WAC: variants seen among roughly 807,000 people sequenced by gnomAD.
WAC encodes WW domain containing adaptor with coiled-coil, also known as WW domain-containing adapter protein with coiled-coil.
In WAC, 11 loss-of-function variants were observed where a neutral mutation model predicts 79.6. The observed-to-expected ratio is 0.14, with a 90% confidence interval of 0.09 to 0.23. The LOEUF (loss-of-function observed/expected upper bound fraction) is 0.23. WAC is among the 10% of genes least tolerant of loss of function. The pLI is 1.00. For missense variants in WAC, 728 were observed against 773.5 expected (o/e 0.94, Z 0.70); for synonymous variants, 304 against 276.9 (o/e 1.10, Z -0.97).
chr10:28,618,425 T>TTTCA (rs1841566928), intron 13 of WAC, among the ~76,000 whole-genome samples: 1 of 152,228 alleles, frequency 6.6e-6, no homozygotes, highest in African/African-American at 2.4e-5. Context: ...ATGGAGTTTA[T>TTTCA]AGTACAACTT....
Position 28,610,978 on chromosome 10 carries a change from T to C in WAC, c.1288+157T>C, listed in dbSNP as rs1001154048. ...TTGTTTTTTTTGTAACACTGGCATA[T>C]ACAGTAGTATTTTTATTTCCTTTCT... On this transcript the variant is annotated intron_variant, in intron 9 of 13. Coordinates refer to ENST00000354911, the MANE Select transcript of WAC (RefSeq NM_016628.5). The C allele has an allele frequency of 9.2e-6, 7 of 757,162 alleles. No individual in the cohort carries two copies. In the African/African-American group the frequency reaches 1.1e-4, roughly 12 times the overall value. The allele number at this position is 757,162 out of a possible 1,614,324, so 46.9% of individuals were successfully genotyped here. A position where few individuals can be genotyped will look rare whatever the true frequency, so the allele number is the denominator to read the frequency against.
chr10:28,545,815 G>A (rs963456125), intron 3 of WAC, among the ~76,000 whole-genome samples: 2 of 152,176 alleles, frequency 1.3e-5, no homozygotes, highest in African/African-American at 4.8e-5. Context: ...AGATACATTG[G>A]GTAGTATCTG....
intron 7 of WAC, among the ~76,000 whole-genome samples, chr10:28,602,450 C>T (rs1208608661): frequency 6.6e-6 from 1 of 152,142 alleles, no homozygotes; most frequent in Non-Finnish European, 1.5e-5. Context: ...TTTCCTACTA[C>T]ACTTACATAC....
intron 7 of WAC, 54 bp downstream of exon 7, chr10:28,596,095 C>T (rs1411007966): frequency 3.9e-6 from 6 of 1,519,588 alleles, no homozygotes; most frequent in East Asian, 2.3e-5. Context: ...TAAGTTTCTT[C>T]TAAGTTTCTT....
intron 3 of WAC, among the ~76,000 whole-genome samples, chr10:28,539,868 G>GT (rs1477201328): frequency 6.6e-6 from 1 of 152,056 alleles, no homozygotes; most frequent in African/African-American, 2.4e-5. Context: ...CCATAGTGAA[G>GT]TTTTTATTTT....
intron 10 of WAC, 136 bp downstream of exon 10, chr10:28,612,058 G>GC: frequency 9.2e-7 from 1 of 1,084,732 alleles, no homozygotes; most frequent in Non-Finnish European, 1.3e-6. Context: ...TATGATAGTA[G>GC]ATGCAGCCTA....
At chr10:28,533,975 T>C (rs1836459298) in intron 1 of WAC, 23 bp from the exon 2 acceptor site, 1 of 1,605,572 alleles carries the variant, frequency 6.2e-7, no homozygotes, top group South Asian at 1.1e-5. Flanking sequence ...CTTATGTCGC[T>C]GCCTTCTCTT....
At chr10:28,574,900 CA>C (rs1187997906) in intron 3 of WAC, among the ~76,000 whole-genome samples, 1 of 151,862 alleles carries the variant, frequency 6.6e-6, no homozygotes, top group African/African-American at 2.4e-5. Flanking sequence ...TCTTGTTTGC[CA>C]GTATAGTGCC....
At chr10:28,550,165 T>C (rs1837580265) in intron 3 of WAC, among the ~76,000 whole-genome samples, 1 of 80,324 alleles carries the variant, frequency 1.2e-5, no homozygotes, top group East Asian at 4.3e-4. Flanking sequence ...AGACTCAGTC[T>C]CAAAAAAAAA....
intron 3 of WAC, among the ~76,000 whole-genome samples, chr10:28,576,191 A>G (rs1449597659): frequency 1.3e-5 from 2 of 152,214 alleles, no homozygotes; most frequent in East Asian, 1.9e-4. Flanking sequence ...TCGCCATAGT[A>G]ATATATACAT....
intron 7 of WAC, among the ~76,000 whole-genome samples, chr10:28,605,793 C>T (rs958084165): frequency 2.0e-5 from 3 of 152,074 alleles, no homozygotes; most frequent in African/African-American, 7.2e-5. Flanking sequence ...CTTGCACTTT[C>T]TTCTCCAACT....
intron 7 of WAC, among the ~76,000 whole-genome samples, chr10:28,597,566 C>G (rs528790036): frequency 1.3e-5 from 2 of 152,190 alleles, no homozygotes; most frequent in East Asian, 3.9e-4. Flanking sequence ...CTTTTTTCCT[C>G]TGTTTGGTTC....
intron 3 of WAC, among the ~76,000 whole-genome samples, chr10:28,566,398 A>G (rs1838615958): frequency 6.6e-6 from 1 of 152,182 alleles, no homozygotes; most frequent in Non-Finnish European, 1.5e-5. Flanking sequence ...AAAACAAATT[A>G]AGTTGTCAAA....
At chr10:28,545,520 G>C (rs1220132581) in intron 3 of WAC, among the ~76,000 whole-genome samples, 1 of 152,004 alleles carries the variant, frequency 6.6e-6, no homozygotes, top group Non-Finnish European at 1.5e-5. Flanking sequence ...ATAAACACTG[G>C]GTTAATTTAA....
intron 3 of WAC, among the ~76,000 whole-genome samples, chr10:28,554,749 A>G (rs112941342): frequency 2.0e-5 from 3 of 151,994 alleles, no homozygotes; most frequent in Admixed American, 1.3e-4. Context: ...GCCAACTCCT[A>G]TGTCTTTCTA....
Position 28,546,012 on chromosome 10 carries a change from A to G in WAC, c.274+10255A>G, listed in dbSNP as rs141501536. Among the ~76,000 whole-genome samples, 213 of 152,382 alleles carry G rather than the reference A, an allele frequency of 1.4e-3. 3 individuals carry two copies. Among genetic ancestry groups the G allele is most frequent in the Admixed American group, 4.8e-3 (74 of 15,294 alleles). On this transcript the variant is annotated intron_variant, in intron 3 of 13. Coordinates refer to ENST00000354911, the MANE Select transcript of WAC (RefSeq NM_016628.5). The stretch of plus-strand genomic sequence containing the variant: ...ACTTAGGCTGATCTTAGGTGTTAAC[A>G]AAAGATTTCCTAAAGTTTACTCTTA...
At chr10:28,590,902 C>A in intron 6 of WAC, 70 bp downstream of exon 6, 1 of 1,140,542 alleles carries the variant, frequency 8.8e-7, no homozygotes, top group Non-Finnish European at 1.3e-6. Flanking sequence ...AATCTGTATC[C>A]ATTGCCATCT....
chr10:28,617,682 A>G lies in WAC; in HGVS notation c.1772A>G (p.His591Arg), dbSNP rs1326940885. 1 of 1,586,400 alleles carries G rather than the reference A, an allele frequency of 6.3e-7. No individual in the cohort carries two copies. Among genetic ancestry groups the G allele is most frequent in the Non-Finnish European group, 8.5e-7 (1 of 1,171,598 alleles). The change falls in exon 13 of 14, where the codon CAT becomes CGT. Residue 591 changes from histidine to arginine, a missense_variant. By Grantham distance (29) the His-to-Arg change is conservative (BLOSUM62 0). Transcript: ENST00000354911. ...KQASRLREEA[H>R]NMGTIHMSEI... ...GCATCAAGATTACGCGAAGAAGCGCATAACATGGGAACTATTCACATGTCC... is the reference window on the plus strand; with the variant it reads ...GCATCAAGATTACGCGAAGAAGCGCGTAACATGGGAACTATTCACATGTCC...
rs932698119 is a variant in WAC, at chr10:28,621,325, G to A, written c.*1719G>A. ...TCAATGTCAATGTTACTACATTCTC[G>A]GATGCTAACATAAATTTTGAAATTG... On this transcript the variant is annotated 3_prime_UTR_variant, in exon 14 of 14. Transcript: ENST00000354911. The A allele has an allele frequency of 7.3e-5, 11 of 149,892 alleles. No homozygotes were observed. The highest frequency in any genetic ancestry group is 1.3e-4 in the Non-Finnish European group (9 of 67,790). The allele number at this position is 149,892 out of a possible 1,614,324, so 9.3% of individuals were successfully genotyped here.
Sources: allele counts gnomAD v4.1 joint callset (sites outside exome capture counted in the v4.1 genomes callset), GRCh38; gene constraint gnomAD v4.1.1; transcripts MANE v1.5; gene names NCBI Gene and HGNC (gene_info 2026-07-23, HGNC 2026-07-21).